CELF2: variants seen among roughly 807,000 people sequenced by gnomAD.
CELF2 encodes CUG triplet repeat RNA-binding protein 2.
A neutral mutation model predicts 62.6 loss-of-function variants in CELF2; 8 were observed. The observed-to-expected ratio is 0.13, with a 90% CI of 0.07 to 0.23. The LOEUF (loss-of-function observed/expected upper bound fraction) is 0.23, where lower values mean the gene tolerates loss of function less well. Among genes scored for constraint, CELF2 ranks in the 10% least tolerant of loss-of-function variants. The pLI is 1.00. For synonymous variants in CELF2, 258 were observed against 250.0 expected, an observed-to-expected ratio of 1.03 and a Z score of -0.30; for missense variants, 333 against 671.0, an observed-to-expected ratio of 0.50 and a Z score of 5.56.
At chr10:10,650,927 G>C in the CELF2 span, among the ~76,000 whole-genome samples, 2 of 152,084 alleles carry the variant, frequency 1.3e-5, no homozygotes, top group Non-Finnish European at 2.9e-5. Context: ...CGACGCAGAA[G>C]ACCGGTGATT....
intron 1 of CELF2, among the ~76,000 whole-genome samples, chr10:10,844,790 C>CA (rs1404691588): frequency 6.6e-6 from 1 of 152,058 alleles, no homozygotes; most frequent in East Asian, 1.9e-4. Context: ...AAAAGATTGA[C>CA]ATATGCCCTG....
At chr10:11,250,546 G>A (rs2255748) in intron 4 of CELF2, among the ~76,000 whole-genome samples, 3 of 152,080 alleles carry the variant, frequency 2.0e-5, no homozygotes, top group African/African-American at 4.8e-5. Flanking sequence ...CCTGTAGTCA[G>A]CAGTTGTTCA....
At chr10:10,561,546 C>A in the CELF2 span, among the ~76,000 whole-genome samples, 3 of 152,274 alleles carry the variant, frequency 2.0e-5, no homozygotes, top group Admixed American at 1.3e-4. Flanking sequence ...CATTAAGTAT[C>A]TTGGATTTTG....
At chr10:10,816,888 A>G (rs1203495552) in intron 1 of CELF2, among the ~76,000 whole-genome samples, 2 of 152,234 alleles carry the variant, frequency 1.3e-5, no homozygotes, top group African/African-American at 4.8e-5. Context: ...CCTCTTGTAT[A>G]TGAAAGATAA....
the CELF2 span, among the ~76,000 whole-genome samples, chr10:10,609,495 A>T: frequency 6.6e-6 from 1 of 152,172 alleles, no homozygotes; most frequent in Non-Finnish European, 1.5e-5. Flanking sequence ...GCACAGCAAA[A>T]GGTTTTGAAC....
At chr10:10,710,826 A>G in the CELF2 span, among the ~76,000 whole-genome samples, 16 of 152,214 alleles carry the variant, frequency 1.1e-4, no homozygotes, top group Admixed American at 5.2e-4. Flanking sequence ...TCTTTTTTAA[A>G]AGTGAAACAA....
chr10:11,286,004 G>A (rs1043175115), intron 8 of CELF2, among the ~76,000 whole-genome samples: 1 of 152,184 alleles, frequency 6.6e-6, no homozygotes, highest in Non-Finnish European at 1.5e-5. Context: ...CCACGAAAGA[G>A]TTATAAACAA....
rs947506161 is a variant in CELF2, at chr10:11,178,014, G to C, written c.271+12332G>C. 6.6e-6 allele frequency among the ~76,000 whole-genome samples: 1 copy of C among 152,128 alleles called. No homozygotes were observed. Among genetic ancestry groups the C allele is most frequent in the Non-Finnish European group, 1.5e-5 (1 of 68,020 alleles). The stretch of plus-strand genomic sequence containing the variant: ...GACTGCCTGGTAGGATAAAGGAGAC[G>C]ACATCTGAAAAGAGGGTTTCAGGTG... On this transcript the variant is annotated intron_variant, in intron 2 of 12. Transcript: ENST00000633077. The surrounding 1 kb of genome is among the most constrained non-coding windows in gnomAD (Gnocchi z 4.3).
intron 1 of CELF2, among the ~76,000 whole-genome samples, chr10:11,118,696 A>G (rs1009521440): frequency 1.3e-5 from 2 of 152,122 alleles, no homozygotes; most frequent in African/African-American, 4.8e-5. Context: ...TCTTATTTGT[A>G]TGTTGAAGAG....
rs772850916 is a variant in CELF2 at position 11,012,179 on chromosome 10, C to A, written c.53+6739C>A. The stretch of plus-strand genomic sequence containing the variant: ...AATGCTGAATCCAACAAGTCTGGTT[C>A]TTAAGCCTCAAAATGTCTTCACTCA... On this transcript the variant is annotated intron_variant, in intron 1 of 12. Transcript: ENST00000416382. This position sits in a 1 kb window ranked among gnomAD's most constrained non-coding sequence, Gnocchi z 5.5. Among the ~76,000 whole-genome samples the A allele has an allele frequency of 3.3e-5, 5 of 152,208 alleles. No homozygotes were observed. The highest frequency in any genetic ancestry group is 7.4e-5 in the Non-Finnish European group (5 of 68,026).
chr10:11,041,341 G>A (rs868113077), intron 1 of CELF2, among the ~76,000 whole-genome samples: 47 of 152,102 alleles, frequency 3.1e-4, no homozygotes, highest in African/African-American at 1.1e-3. Context: ...GTAAGATCCC[G>A]AGAGAGAGAG....
chr10:11,187,752 C>A (rs1488420642), intron 2 of CELF2, among the ~76,000 whole-genome samples: 1 of 151,700 alleles, frequency 6.6e-6, no homozygotes, highest in East Asian at 1.9e-4. Flanking sequence ...TGAGAATCTA[C>A]TTCCATTTCT....
chr10:10,860,805 G>T (rs1467769198), intron 1 of CELF2, among the ~76,000 whole-genome samples: 1 of 152,318 alleles, frequency 6.6e-6, no homozygotes, highest in East Asian at 1.9e-4. Context: ...TGCATACAGT[G>T]TGATGAGGCA....
intron 1 of CELF2, among the ~76,000 whole-genome samples, chr10:11,084,102 C>T (rs532353053): frequency 6.6e-6 from 1 of 152,302 alleles, no homozygotes; most frequent in South Asian, 2.1e-4. Context: ...AGGAAACTGT[C>T]GCTTGGAAGA....
At position 11,156,177 on chromosome 10, in the gene CELF2, G is replaced by A. The variant is rs116037357; in HGVS notation, c.75-9309G>A. ...CTGTTCAGGGACAAGTGGACCCAGC[G>A]GGCATTTGGAGAAAAATAGGCATGA... is the stretch of plus-strand genomic sequence containing the variant. On this transcript the variant is annotated intron_variant, in intron 1 of 12. Coordinates refer to ENST00000633077, the MANE Select transcript of CELF2 (RefSeq NM_001326342.2). The surrounding 1 kb of genome is among the most constrained non-coding windows in gnomAD (Gnocchi z 4.3). 8.2e-3 allele frequency among the ~76,000 whole-genome samples: 1,248 copies of A among 152,202 alleles called. 22 individuals are homozygous for A. The highest frequency in any genetic ancestry group is 0.029 in the African/African-American group (1,197 of 41,512).
chr10:10,708,620 G>A, the CELF2 span, among the ~76,000 whole-genome samples: 1 of 152,056 alleles, frequency 6.6e-6, no homozygotes, highest in Non-Finnish European at 1.5e-5. Flanking sequence ...CATAGGAAAA[G>A]GGTTATAGAT....
At chr10:10,477,973 A>G in the CELF2 span, among the ~76,000 whole-genome samples, 1 of 152,190 alleles carries the variant, frequency 6.6e-6, no homozygotes, top group African/African-American at 2.4e-5. Flanking sequence ...TTAATGCTCT[A>G]GATATGAGAT....
At chr10:11,182,219 A>G (rs542415002) in intron 2 of CELF2, among the ~76,000 whole-genome samples, 7 of 152,344 alleles carry the variant, frequency 4.6e-5, no homozygotes, top group Non-Finnish European at 1.0e-4. Flanking sequence ...GTTCTCAGGA[A>G]CAATTCCATT....
chr10:10,588,044 G>T, the CELF2 span, among the ~76,000 whole-genome samples: 8 of 150,500 alleles, frequency 5.3e-5, no homozygotes, highest in African/African-American at 2.0e-4. Context: ...TAATGTTTTA[G>T]CTGTCTTGAA....
Sources: allele counts gnomAD v4.1 joint callset (sites outside exome capture counted in the v4.1 genomes callset), GRCh38; gene constraint gnomAD v4.1.1; non-coding constraint Gnocchi (gnomAD v3.1); transcripts MANE v1.5; gene names NCBI Gene and HGNC (gene_info 2026-07-23, HGNC 2026-07-21).